Variants in CACNA2D3 observed in about 807,000 individuals in gnomAD.
CACNA2D3 encodes the protein voltage-dependent calcium channel subunit alpha-2/delta-3.
CACNA2D3 carries 60 observed loss-of-function variants against 160.6 expected under a neutral mutation model. The observed-to-expected ratio is 0.37, with a 90% CI of 0.30 to 0.46. CACNA2D3 has a LOEUF of 0.46. Among genes scored for constraint, CACNA2D3 ranks in the 20% least tolerant of loss-of-function variants. The pLI, the probability that CACNA2D3 is intolerant of heterozygous loss-of-function variation, is 1.00. For synonymous variants in CACNA2D3, 558 were observed against 492.9 expected, an observed-to-expected ratio of 1.13 and a Z score of -1.75; for missense variants, 1,205 against 1,365.0, an observed-to-expected ratio of 0.88 and a Z score of 1.85.
At chr3:54,463,395 C>T (rs536764110) in intron 4 of CACNA2D3, among the ~76,000 whole-genome samples, 6 of 152,316 alleles carry the variant, frequency 3.9e-5, no homozygotes, top group South Asian at 2.1e-4. Context: ...CCATTCTTCC[C>T]GTCACTTTCA....
intron 2 of CACNA2D3, among the ~76,000 whole-genome samples, chr3:54,183,371 T>C (rs1473972512): frequency 2.0e-5 from 3 of 152,030 alleles, no homozygotes; most frequent in Non-Finnish European, 4.4e-5. Flanking sequence ...TCTTGCAGGC[T>C]GAGAGGGAAC....
At chr3:55,028,890 T>C (rs892307961) in intron 35 of CACNA2D3, among the ~76,000 whole-genome samples, 1 of 152,230 alleles carries the variant, frequency 6.6e-6, no homozygotes. Context: ...AAGCTGTGGC[T>C]ACAGTTTTCT....
intron 11 of CACNA2D3, among the ~76,000 whole-genome samples, chr3:54,700,451 C>T (rs974452417): frequency 6.6e-6 from 1 of 152,160 alleles, no homozygotes; most frequent in Admixed American, 6.5e-5. Context: ...GTTGCACCAA[C>T]CAAATTTCAA....
At chr3:54,582,533 A>G (rs762962100) in intron 9 of CACNA2D3, among the ~76,000 whole-genome samples, 2 of 152,126 alleles carry the variant, frequency 1.3e-5, no homozygotes, top group South Asian at 2.1e-4. Context: ...AGCTACCGCA[A>G]CCACCACTAT....
chr3:54,165,681 G>A (rs1377956488), intron 2 of CACNA2D3, among the ~76,000 whole-genome samples: 2 of 151,402 alleles, frequency 1.3e-5, no homozygotes, highest in African/African-American at 2.4e-5. Context: ...AGGCTGAGGT[G>A]GGAGGATTGC....
chr3:54,779,830 T>G (rs1702498246), intron 13 of CACNA2D3, among the ~76,000 whole-genome samples: 1 of 152,242 alleles, frequency 6.6e-6, no homozygotes, highest in Admixed American at 6.5e-5. Flanking sequence ...TTTAGAATTA[T>G]CTTAATTAGG....
At chr3:54,694,768 C>T (rs1268170931) in intron 11 of CACNA2D3, among the ~76,000 whole-genome samples, 1 of 152,094 alleles carries the variant, frequency 6.6e-6, no homozygotes, top group African/African-American at 2.4e-5. Context: ...GTTTTCATTC[C>T]CTTTTCTTCT....
intron 10 of CACNA2D3, among the ~76,000 whole-genome samples, chr3:54,640,820 C>T (rs970384307): frequency 2.0e-5 from 3 of 152,146 alleles, no homozygotes; most frequent in Non-Finnish European, 2.9e-5. Flanking sequence ...CAGATCCACC[C>T]GAACTAGCCT....
intron 35 of CACNA2D3, among the ~76,000 whole-genome samples, chr3:55,062,606 A>G (rs892346454): frequency 4.1e-4 from 63 of 152,162 alleles, no homozygotes; most frequent in African/African-American, 1.4e-3. Flanking sequence ...CCTACTCACT[A>G]TACTGTATTG....
intron 4 of CACNA2D3, among the ~76,000 whole-genome samples, chr3:54,479,405 A>T (rs1700895541): frequency 6.6e-6 from 1 of 152,298 alleles, no homozygotes; most frequent in African/African-American, 2.4e-5. Context: ...GAGTCTTGGG[A>T]CATATCCCCT....
chr3:54,834,808 C>T (rs1278162499), intron 14 of CACNA2D3, among the ~76,000 whole-genome samples: 2 of 152,182 alleles, frequency 1.3e-5, no homozygotes, highest in Non-Finnish European at 2.9e-5. Context: ...AGTCTGAAAT[C>T]TGCAAGGCAG....
At chr3:54,318,367 A>G (rs1207335689) in intron 2 of CACNA2D3, among the ~76,000 whole-genome samples, 1 of 152,182 alleles carries the variant, frequency 6.6e-6, no homozygotes, top group Non-Finnish European at 1.5e-5. Flanking sequence ...TAAGATTTTT[A>G]TGGATGTTTT....
chr3:54,242,398 G>C (rs914041690), intron 2 of CACNA2D3, among the ~76,000 whole-genome samples: 1 of 152,196 alleles, frequency 6.6e-6, no homozygotes, highest in Non-Finnish European at 1.5e-5. Flanking sequence ...AGCTGAGATC[G>C]TGCCACTGCA....
chr3:54,391,488 G>A (rs1399866560), intron 4 of CACNA2D3, among the ~76,000 whole-genome samples: 1 of 151,716 alleles, frequency 6.6e-6, no homozygotes, highest in Non-Finnish European at 1.5e-5. Flanking sequence ...CATTGGCGGG[G>A]TGGCTTTCTT....
intron 17 of CACNA2D3, among the ~76,000 whole-genome samples, chr3:54,859,369 G>C (rs573796532): frequency 5.3e-5 from 8 of 152,310 alleles, no homozygotes; most frequent in Middle Eastern, 3.4e-3. Context: ...TCATGTGATA[G>C]GCACATCTAT....
chr3:54,313,723 T>TTA (rs1191448182), intron 2 of CACNA2D3, among the ~76,000 whole-genome samples: 2 of 151,880 alleles, frequency 1.3e-5, no homozygotes, highest in African/African-American at 4.8e-5. Flanking sequence ...CCTGGCATCT[T>TTA]TATCCCCTGT....
At chr3:54,738,539 A>G (rs886595414) in intron 11 of CACNA2D3, among the ~76,000 whole-genome samples, 2 of 152,180 alleles carry the variant, frequency 1.3e-5, no homozygotes, top group Non-Finnish European at 2.9e-5. Context: ...AAACAAAACT[A>G]TGAGGGTAAG....
intron 2 of CACNA2D3, among the ~76,000 whole-genome samples, chr3:54,307,923 A>C (rs924951796): frequency 6.6e-6 from 1 of 152,212 alleles, no homozygotes; most frequent in Non-Finnish European, 1.5e-5. Context: ...TTGAGCTGGG[A>C]TTAAGGAAGT....
intron 9 of CACNA2D3, among the ~76,000 whole-genome samples, chr3:54,618,379 A>ATATATG (rs1401834228): frequency 4.5e-4 from 64 of 141,640 alleles, no homozygotes; most frequent in African/African-American, 5.3e-4. Flanking sequence ...ATATATGCAC[A>ATATATG]CACACACACA....
Sources: gnomAD v4.1 joint callset for allele counts (sites outside exome capture counted in the v4.1 genomes callset) on GRCh38, gnomAD v4.1.1 for gene constraint, MANE v1.5 for transcripts, NCBI Gene and HGNC (gene_info 2026-07-23, HGNC 2026-07-21) for gene names.